COMMD10: variants seen among roughly 807,000 people sequenced by gnomAD.
The protein encoded by COMMD10 is COMM domain containing 10.
Under a neutral mutation model 28.9 loss-of-function variants are expected in COMMD10, and 33 were observed. The ratio of observed to expected loss-of-function variants is 1.14; its 90% CI spans 0.87 to 1.53. The LOEUF (loss-of-function observed/expected upper bound fraction) is 1.53. COMMD10 is among the 40% of genes most tolerant of loss of function. The pLI is 0.00. For synonymous variants in COMMD10, 110 were observed against 81.7 expected, an observed-to-expected ratio of 1.35 and a Z score of -1.87; for missense variants, 310 against 233.4, an observed-to-expected ratio of 1.33 and a Z score of -2.14.
rs111383051 is a variant in COMMD10, at chr5:116,090,357, C to T, written c.133-722C>T. ...TGTTTAGGGCAGTCCTGCACAAAGACTTGTCTCATCCAGCGTGCCAGCGGT... is the reference window on the plus strand; with the variant it reads ...TGTTTAGGGCAGTCCTGCACAAAGATTTGTCTCATCCAGCGTGCCAGCGGT... On this transcript the variant is annotated intron_variant, in intron 2 of 6. Coordinates refer to ENST00000274458, the MANE Select transcript of COMMD10 (RefSeq NM_016144.4). Among the ~76,000 whole-genome samples, 803 of 152,280 alleles carry T rather than the reference C, an allele frequency of 5.3e-3. 5 individuals carry two copies. Among genetic ancestry groups the T allele is most frequent in the African/African-American group, 0.019 (770 of 41,550 alleles).
At chr5:116,136,500 C>T (rs1275149321) in intron 5 of COMMD10, among the ~76,000 whole-genome samples, 1 of 152,212 alleles carries the variant, frequency 6.6e-6, no homozygotes, top group Non-Finnish European at 1.5e-5. Context: ...CTTTAAGCAT[C>T]ATGAGTTCAG....
At chr5:116,269,713 A>G (rs1750703808) in intron 5 of COMMD10, among the ~76,000 whole-genome samples, 1 of 151,798 alleles carries the variant, frequency 6.6e-6, no homozygotes, top group African/African-American at 2.4e-5. Flanking sequence ...TAAGCGCACA[A>G]AAGAAAGTAT....
chr5:116,286,426 T>C (rs944613040), intron 5 of COMMD10, among the ~76,000 whole-genome samples: 5 of 150,922 alleles, frequency 3.3e-5, no homozygotes, highest in East Asian at 1.9e-4. Context: ...TTTTTTTTTT[T>C]CCTAGTTCCT....
intron 5 of COMMD10, among the ~76,000 whole-genome samples, chr5:116,149,851 T>C (rs983986044): frequency 1.3e-5 from 2 of 150,010 alleles, no homozygotes; most frequent in African/African-American, 4.9e-5. Context: ...GCAGAAGCTC[T>C]TTAGTTTAAT....
At chr5:116,154,773 A>G (rs1231199237) in intron 5 of COMMD10, among the ~76,000 whole-genome samples, 1 of 129,002 alleles carries the variant, frequency 7.8e-6, no homozygotes, top group Admixed American at 8.4e-5. Context: ...TTTTAAAGTG[A>G]GTGATAGCCC....
chr5:116,089,249 C>A (rs1750219949), intron 2 of COMMD10, among the ~76,000 whole-genome samples: 1 of 152,140 alleles, frequency 6.6e-6, no homozygotes, highest in South Asian at 2.1e-4. Flanking sequence ...TGGTCATCTT[C>A]ATTTTATCTA....
chr5:116,132,190 T>A (rs1041935044), intron 4 of COMMD10, among the ~76,000 whole-genome samples: 1 of 152,084 alleles, frequency 6.6e-6, no homozygotes, highest in Admixed American at 6.6e-5. Flanking sequence ...ATTTAGAAGA[T>A]ACTGTAGAAC....
chr5:116,087,865 A>G (rs1580433297), intron 2 of COMMD10, among the ~76,000 whole-genome samples: 1 of 152,184 alleles, frequency 6.6e-6, no homozygotes, highest in South Asian at 2.1e-4. Flanking sequence ...ACATTTTCCA[A>G]ATGTGTTTGA....
At chr5:116,094,665 A>G (rs574040881) in intron 4 of COMMD10, among the ~76,000 whole-genome samples, 1 of 152,312 alleles carries the variant, frequency 6.6e-6, no homozygotes, top group East Asian at 1.9e-4. Context: ...TAATTCCACT[A>G]CTTGGTATAT....
In COMMD10 at chr5:116,219,486, G is replaced by A. The variant is rs541665380; in HGVS notation, c.511-72031G>A. Among the ~76,000 whole-genome samples, 43 of 152,236 alleles carry A rather than the reference G, an allele frequency of 2.8e-4. No individual in the cohort carries two copies. The South Asian group carries it at 8.7e-3, about 31-fold the overall frequency. On this transcript the variant is annotated intron_variant, in intron 5 of 6. Coordinates refer to ENST00000274458, the MANE Select transcript of COMMD10 (RefSeq NM_016144.4). ...AATGTCCTTATAAGAGAGAGGCAGA[G>A]GGAGATTTGACACAGACATACATAA...
intron 5 of COMMD10, among the ~76,000 whole-genome samples, chr5:116,150,136 T>C (rs1361234565): frequency 2.0e-5 from 3 of 152,310 alleles, no homozygotes; most frequent in African/African-American, 7.2e-5. Context: ...TTTCTTGTTT[T>C]TGTCAGGTTT....
At chr5:116,216,472 C>A (rs929294063) in intron 5 of COMMD10, among the ~76,000 whole-genome samples, 1 of 152,180 alleles carries the variant, frequency 6.6e-6, no homozygotes, top group Middle Eastern at 3.2e-3. Context: ...AGAACTATTA[C>A]AAACATTACA....
chr5:116,188,189 T>G (rs1748204577), intron 5 of COMMD10, among the ~76,000 whole-genome samples: 1 of 152,182 alleles, frequency 6.6e-6, no homozygotes, highest in Non-Finnish European at 1.5e-5. Flanking sequence ...ATAACTTGTC[T>G]GTGACCTGTC....
chr5:116,213,102 C>T (rs1749010166), intron 5 of COMMD10, among the ~76,000 whole-genome samples: 1 of 152,004 alleles, frequency 6.6e-6, no homozygotes, highest in Non-Finnish European at 1.5e-5. Context: ...TATTGGCCTG[C>T]TTTCTGCTAG....
At chr5:116,283,205 C>G (rs1465990104) in intron 5 of COMMD10, among the ~76,000 whole-genome samples, 1 of 151,854 alleles carries the variant, frequency 6.6e-6, no homozygotes, top group African/African-American at 2.4e-5. Context: ...ACCATTCTAC[C>G]TACAACAAAA....
intron 5 of COMMD10, among the ~76,000 whole-genome samples, chr5:116,225,853 C>G (rs570026687): frequency 6.6e-6 from 1 of 151,918 alleles, no homozygotes. Flanking sequence ...GCTTCATAGG[C>G]CTCCCTTGCT....
At position 116,210,156 on chromosome 5, in the gene COMMD10, A is replaced by T. The variant is rs536791105; in HGVS notation, c.510+75978A>T. ...CTGCAATAACAGTCTTAATCCATTC[A>T]CAAGGGTGGTATCCACCTGACCTAA... is the stretch of plus-strand genomic sequence containing the variant. On this transcript the variant is annotated intron_variant, in intron 5 of 6. Transcript: ENST00000274458. 7.9e-5 allele frequency among the ~76,000 whole-genome samples: 12 copies of T among 152,286 alleles called. 1 individual carries two copies. The East Asian group carries it at 2.1e-3, about 27-fold the overall frequency.
intron 5 of COMMD10, among the ~76,000 whole-genome samples, chr5:116,214,135 A>C (rs1484647953): frequency 6.6e-6 from 1 of 152,178 alleles, no homozygotes; most frequent in East Asian, 1.9e-4. Context: ...CTTTGTCTTT[A>C]AACCTTTAGC....
intron 5 of COMMD10, among the ~76,000 whole-genome samples, chr5:116,154,409 A>G (rs1580497063): frequency 1.3e-5 from 2 of 152,240 alleles, no homozygotes; most frequent in East Asian, 3.9e-4. Flanking sequence ...TAAAAGTGTA[A>G]ACATTTCCTG....
Sources: gnomAD v4.1 joint callset for allele counts (sites outside exome capture counted in the v4.1 genomes callset) on GRCh38, gnomAD v4.1.1 for gene constraint, MANE v1.5 for transcripts, NCBI Gene and HGNC (gene_info 2026-07-23, HGNC 2026-07-21) for gene names.